Variants in PTPN11 observed in about 807,000 individuals in gnomAD.
PTPN11 encodes the protein tyrosine-protein phosphatase non-receptor type 11.
Under a neutral mutation model 78.8 loss-of-function variants are expected in PTPN11, and 6 were observed. The ratio of observed to expected loss-of-function variants is 0.08; its 90% confidence interval spans 0.04 to 0.15. PTPN11 has a LOEUF of 0.15. Among genes scored for constraint, PTPN11 ranks in the 10% least tolerant of loss-of-function variants. The pLI is 1.00. For missense variants in PTPN11, 386 were observed against 744.8 expected (o/e 0.52, Z 5.61); for synonymous variants, 221 against 263.5 (o/e 0.84, Z 1.56).
intron 13 of PTPN11, 91 bp downstream of exon 13, chr12:112,489,266 T>C: frequency 6.8e-7 from 1 of 1,463,770 alleles, no homozygotes; most frequent in East Asian, 2.3e-5. Flanking sequence ...CAGGCTCTGA[T>C]AGACAACTGT....
intron 7 of PTPN11, among the ~76,000 whole-genome samples, chr12:112,474,003 CT>C (rs1246853483): frequency 1.3e-5 from 2 of 152,096 alleles, no homozygotes; most frequent in African/African-American, 4.8e-5. Context: ...CCACCTCAGC[CT>C]CCTGATTAGC....
rs1374967305 is a variant in PTPN11, at chr12:112,508,360, G to A, written c.*2568G>A. 2 of 152,280 alleles carry A rather than the reference G, an allele frequency of 1.3e-5. No individual in the cohort carries two copies. Among genetic ancestry groups the A allele is most frequent in the African/African-American group, 4.8e-5 (2 of 41,458 alleles). 9.4% of individuals were successfully genotyped at this position (152,280 alleles called of 1,614,324 possible). Reference sequence around the variant, plus strand: ...TCTCAGACGAGTTTACTTTACATGAGATGGAATCAGGCAGAGAGGCTGGGA... The same window carrying A: ...TCTCAGACGAGTTTACTTTACATGAAATGGAATCAGGCAGAGAGGCTGGGA... On this transcript the variant is annotated 3_prime_UTR_variant, in exon 16 of 16. Coordinates refer to ENST00000351677, the MANE Select transcript of PTPN11 (RefSeq NM_002834.5).
intron 3 of PTPN11, among the ~76,000 whole-genome samples, chr12:112,452,747 T>G (rs1038490707): frequency 6.6e-6 from 1 of 152,166 alleles, no homozygotes; most frequent in African/African-American, 2.4e-5. Flanking sequence ...CAGACTGGTC[T>G]TGAACTCCTG....
chr12:112,485,392 A>G lies in PTPN11; in HGVS notation c.1225-1083A>G, dbSNP rs530933782. 7.9e-5 allele frequency among the ~76,000 whole-genome samples: 12 copies of G among 152,274 alleles called. No individual in the cohort carries two copies. The South Asian group carries it at 2.5e-3, about 32-fold the overall frequency. On this transcript the variant is annotated intron_variant, in intron 10 of 15. Coordinates refer to ENST00000351677, the MANE Select transcript of PTPN11 (RefSeq NM_002834.5). ...TTTGGTTTTCTGTAGCCTTGGTGCC[A>G]TTGTTGATCTTTATTAATTATCATT...
chr12:112,499,114 ATCT>A (rs141573815), intron 13 of PTPN11, among the ~76,000 whole-genome samples: 5,966 of 152,218 alleles, frequency 0.039, 265 homozygotes, highest in African/African-American at 0.11. Flanking sequence ...AACTTCAGAG[ATCT>A]TCTATACAGC....
At chr12:112,442,328 C>T (rs1001942057) in intron 1 of PTPN11, among the ~76,000 whole-genome samples, 7 of 151,870 alleles carry the variant, frequency 4.6e-5, no homozygotes, top group African/African-American at 9.7e-5. Context: ...CAGATTTTTT[C>T]GAATTTTGGA....
chr12:112,425,011 T>A (rs1779460549), intron 1 of PTPN11, among the ~76,000 whole-genome samples: 1 of 108,886 alleles, frequency 9.2e-6, no homozygotes, highest in African/African-American at 4.2e-5. Context: ...TGTGTGTGTA[T>A]GTAGAGATGG....
intron 1 of PTPN11, among the ~76,000 whole-genome samples, chr12:112,440,627 G>A (rs1022937983): frequency 2.1e-5 from 3 of 141,480 alleles, no homozygotes; most frequent in Non-Finnish European, 4.5e-5. Context: ...AGGCTGGAGC[G>A]CAGTGGCATG....
chr12:112,444,477 GA>G (rs2037958831), intron 1 of PTPN11, among the ~76,000 whole-genome samples: 1 of 152,048 alleles, frequency 6.6e-6, no homozygotes, highest in Non-Finnish European at 1.5e-5. Context: ...AAGTAGCTGG[GA>G]TTACAGGCAC....
rs1287780991 is a variant in PTPN11, at chr12:112,477,966, A to T, written c.1043A>T (p.Glu348Val). ...GACTTTTGGCGGATGGTGTTCCAAG[A>T]AAACTCCCGAGTGATTGTCATGACA... ...VNDFWRMVFQENSRVIVMTTK... is the reference protein window; with the variant it reads ...VNDFWRMVFQVNSRVIVMTTK... The change falls in exon 9 of 16, where the codon GAA (glutamate) becomes GTA (valine). Residue 348 changes from glutamate (E) to valine (V), a missense_variant. This residue lies in a region of PTPN11 where 279 missense variants were observed against 503.3 expected (regional missense o/e 0.55). Transcript: ENST00000351677. The T allele has an allele frequency of 4.3e-6, 7 of 1,614,196 alleles. No homozygotes were observed. The highest frequency in any genetic ancestry group is 5.9e-6 in the Non-Finnish European group (7 of 1,180,030).
chr12:112,479,155 T>G (rs1338941526), intron 9 of PTPN11, among the ~76,000 whole-genome samples: 2 of 152,100 alleles, frequency 1.3e-5, no homozygotes, highest in Non-Finnish European at 2.9e-5. Flanking sequence ...CACTTCAGAT[T>G]AAAAAAATAA....
intron 1 of PTPN11, among the ~76,000 whole-genome samples, chr12:112,423,949 G>T (rs2037564522): frequency 6.6e-6 from 1 of 151,502 alleles, no homozygotes; most frequent in South Asian, 2.1e-4. Flanking sequence ...TTAGGGTCTT[G>T]CTCTGTTGCC....
rs397516796 is a variant in PTPN11, at chr12:112,486,616, G to T, written c.1366G>T (p.Val456Leu). Residue 456 changes from valine to leucine, a missense_variant, in exon 11 of 16, where the codon GTG (valine) becomes TTG (leucine). Coordinates refer to ENST00000351677, the MANE Select transcript of PTPN11 (RefSeq NM_002834.5). ...GAGCATCATGGATGCAGGGCCGGTC[G>T]TGGTGCACTGCAGGTGACAGCTCCT... ...QESIMDAGPV[V>L]VHCSAGIGRT... is the part of the protein sequence containing the mutation. 1.2e-6 allele frequency: 2 copies of T among 1,612,748 alleles called. No homozygotes were observed. Among genetic ancestry groups the T allele is most frequent in the South Asian group, 2.2e-5 (2 of 90,998 alleles).
chr12:112,477,613 T>C (rs2038525252), intron 7 of PTPN11, 38 bp from the exon 8 acceptor site: 3 of 1,520,694 alleles, frequency 2.0e-6, no homozygotes, highest in Non-Finnish European at 2.7e-6. Flanking sequence ...CCTGAAGCAG[T>C]CCAGGACTTA....
At chr12:112,491,434 G>C (rs1038615526) in intron 13 of PTPN11, among the ~76,000 whole-genome samples, 3 of 151,878 alleles carry the variant, frequency 2.0e-5, no homozygotes, top group African/African-American at 7.3e-5. Context: ...ATGTTTGTTG[G>C]TTACAAACAT....
At chr12:112,430,873 C>T (rs1361274424) in intron 1 of PTPN11, among the ~76,000 whole-genome samples, 1 of 152,058 alleles carries the variant, frequency 6.6e-6, no homozygotes, top group Non-Finnish European at 1.5e-5. Flanking sequence ...CATAGGTGTC[C>T]TAGACATTCA....
intron 2 of PTPN11, 22 bp downstream of exon 2, chr12:112,446,420 G>A: frequency 6.2e-7 from 1 of 1,614,054 alleles, no homozygotes; most frequent in Non-Finnish European, 8.5e-7. Context: ...TGAAAAGAGA[G>A]GATCCTGAGA....
intron 6 of PTPN11, among the ~76,000 whole-genome samples, chr12:112,456,544 G>T (rs1055844990): frequency 4.1e-5 from 6 of 147,016 alleles, no homozygotes; most frequent in Non-Finnish European, 1.5e-5. Flanking sequence ...CTGCAGCCCC[G>T]TCCTCCCTGG....
intron 6 of PTPN11, among the ~76,000 whole-genome samples, chr12:112,466,070 A>G (rs2038321652): frequency 1.3e-5 from 2 of 152,164 alleles, no homozygotes; most frequent in African/African-American, 4.8e-5. Context: ...ATCTTTATAG[A>G]GTGTACAGTC....
Sources: gnomAD v4.1 joint callset for allele counts (sites outside exome capture counted in the v4.1 genomes callset) on GRCh38, gnomAD v4.1.1 for gene constraint, gnomAD v4.1.1 regional missense constraint, MANE v1.5 for transcripts, NCBI Gene and HGNC (gene_info 2026-07-23, HGNC 2026-07-21) for gene names.